Variants in CTNNA2 observed in about 807,000 individuals in gnomAD.
CTNNA2 encodes the protein catenin alpha-2.
Under a neutral mutation model 101.0 loss-of-function variants are expected in CTNNA2, and 42 were observed. The observed-to-expected ratio is 0.42, with a 90% confidence interval of 0.32 to 0.54. The LOEUF (loss-of-function observed/expected upper bound fraction) is 0.54, where lower values mean the gene tolerates loss of function less well. Among genes scored for constraint, CTNNA2 ranks in the 20% least tolerant of loss-of-function variants. CTNNA2 has a pLI of 0.14. For synonymous variants in CTNNA2, 450 were observed against 456.4 expected, an observed-to-expected ratio of 0.99 and a Z score of 0.18; for missense variants, 871 against 1,223.1, an observed-to-expected ratio of 0.71 and a Z score of 4.29.
chr2:80,352,995 T>G (rs550867047), intron 7 of CTNNA2, among the ~76,000 whole-genome samples: 1 of 152,122 alleles, frequency 6.6e-6, no homozygotes, highest in East Asian at 1.9e-4. Flanking sequence ...GGACAGTACA[T>G]GTATCAGTGC....
chr2:80,158,389 G>T (rs1704109409), intron 7 of CTNNA2, among the ~76,000 whole-genome samples: 1 of 152,150 alleles, frequency 6.6e-6, no homozygotes, highest in Non-Finnish European at 1.5e-5. Context: ...AGACCTGTAT[G>T]CTCTTTCCCT....
chr2:79,341,088 C>T (rs1264837019), intron 3 of CTNNA2, among the ~76,000 whole-genome samples: 2 of 151,732 alleles, frequency 1.3e-5, no homozygotes, highest in African/African-American at 2.4e-5. Context: ...ATTATTAATT[C>T]CATCGTATAG....
At chr2:79,828,814 A>G (rs1678644928) in intron 3 of CTNNA2, among the ~76,000 whole-genome samples, 1 of 152,228 alleles carries the variant, frequency 6.6e-6, no homozygotes, top group African/African-American at 2.4e-5. Context: ...GCCCCATTCC[A>G]GACCCATTGA....
At chr2:79,289,334 G>T (rs780451902) in intron 2 of CTNNA2, among the ~76,000 whole-genome samples, 1 of 152,074 alleles carries the variant, frequency 6.6e-6, no homozygotes, top group Non-Finnish European at 1.5e-5. Flanking sequence ...AATTTTCATA[G>T]GTAAATATAG....
intron 18 of CTNNA2, among the ~76,000 whole-genome samples, chr2:80,624,311 A>G (rs1044320594): frequency 3.3e-4 from 50 of 152,152 alleles, no homozygotes; most frequent in African/African-American, 1.1e-3. Context: ...CATGCAGTAT[A>G]TGACCTATAT....
chr2:80,279,232 T>G, intron 7 of CTNNA2, among the ~76,000 whole-genome samples: 1 of 152,124 alleles, frequency 6.6e-6, no homozygotes, highest in Admixed American at 6.6e-5. Context: ...GAGGAGGTCC[T>G]GCAGCTCTGG....
chr2:79,277,537 C>A (rs1368954), intron 2 of CTNNA2, among the ~76,000 whole-genome samples: 86,856 of 151,880 alleles, frequency 0.57, 25,117 homozygotes, highest in African/African-American at 0.59. Context: ...AGGAGACTGA[C>A]GGTTCCTACC....
At chr2:80,568,196 C>T (rs908785206) in intron 12 of CTNNA2, among the ~76,000 whole-genome samples, 13 of 152,270 alleles carry the variant, frequency 8.5e-5, no homozygotes, top group African/African-American at 3.1e-4. Context: ...CCAGAATGCC[C>T]ACTAATCACT....
At chr2:79,603,732 T>C (rs997281767) in intron 1 of CTNNA2, among the ~76,000 whole-genome samples, 8 of 152,206 alleles carry the variant, frequency 5.3e-5, no homozygotes, top group African/African-American at 1.9e-4. Flanking sequence ...TTGGTGGCAA[T>C]ACAAATTGTA....
chr2:80,064,497 A>G (rs959826196), intron 7 of CTNNA2, among the ~76,000 whole-genome samples: 6 of 152,204 alleles, frequency 3.9e-5, no homozygotes, highest in African/African-American at 1.2e-4. Flanking sequence ...TTGGAACTGC[A>G]TTCAGCTGAA....
intron 7 of CTNNA2, among the ~76,000 whole-genome samples, chr2:80,223,336 G>A (rs1227651021): frequency 2.0e-5 from 3 of 152,194 alleles, no homozygotes; most frequent in African/African-American, 4.8e-5. Flanking sequence ...TGCTGGTGGC[G>A]CAATCTCGGC....
intron 7 of CTNNA2, among the ~76,000 whole-genome samples, chr2:80,318,385 G>A (rs1270178636): frequency 6.6e-6 from 1 of 152,130 alleles, no homozygotes; most frequent in Non-Finnish European, 1.5e-5. Flanking sequence ...TTTCTCAAGA[G>A]CAAAGTCCAG....
chr2:79,912,437 A>G (rs748101086), intron 7 of CTNNA2, among the ~76,000 whole-genome samples: 4 of 152,242 alleles, frequency 2.6e-5, no homozygotes, highest in Admixed American at 2.6e-4. Flanking sequence ...TATTTCCACA[A>G]ATGTGTATTC....
At chr2:79,314,427 A>C (rs186092014) in intron 3 of CTNNA2, among the ~76,000 whole-genome samples, 30 of 152,340 alleles carry the variant, frequency 2.0e-4, no homozygotes, top group African/African-American at 6.5e-4. Context: ...TCTCAGGAAG[A>C]ATATGCGTGG....
intron 2 of CTNNA2, among the ~76,000 whole-genome samples, chr2:79,684,264 C>G (rs1683780657): frequency 6.6e-6 from 1 of 152,210 alleles, no homozygotes; most frequent in Admixed American, 6.5e-5. Flanking sequence ...ATATTCCATG[C>G]AATACTTTAT....
At position 80,393,305 on chromosome 2, in the gene CTNNA2, T is replaced by C; in HGVS notation, c.1137+14T>C. 1.3e-6 allele frequency: 2 copies of C among 1,578,132 alleles called. No homozygotes were observed. The highest frequency in any genetic ancestry group is 1.7e-6 in the Non-Finnish European group (2 of 1,154,134). On this transcript the variant is annotated intron_variant, in intron 8 of 18. Coordinates refer to ENST00000402739, the MANE Select transcript of CTNNA2 (RefSeq NM_001282597.3). ...CTAAGGAGACAGGTACTATTTTTTA[T>C]TTTTACTTTAAGTCCATGATATTCA...
At chr2:79,542,593 C>G (rs1051612387) in intron 1 of CTNNA2, among the ~76,000 whole-genome samples, 4 of 152,092 alleles carry the variant, frequency 2.6e-5, no homozygotes, top group African/African-American at 7.2e-5. Context: ...CCCTAATTTA[C>G]TTATCTGTAA....
chr2:79,899,317 G>A (rs1315324253), intron 6 of CTNNA2, among the ~76,000 whole-genome samples: 8 of 151,920 alleles, frequency 5.3e-5, no homozygotes, highest in Non-Finnish European at 1.0e-4. Context: ...CCTGCTTTAC[G>A]TACTTAATTG....
At chr2:80,385,699 CT>C (rs1205257811) in intron 7 of CTNNA2, among the ~76,000 whole-genome samples, 1 of 152,014 alleles carries the variant, frequency 6.6e-6, no homozygotes, top group Non-Finnish European at 1.5e-5. Context: ...CTCTCATCAT[CT>C]CTCCCTCCTG....
Sources: gnomAD v4.1 joint callset for allele counts (sites outside exome capture counted in the v4.1 genomes callset) on GRCh38, gnomAD v4.1.1 for gene constraint, MANE v1.5 for transcripts, NCBI Gene and HGNC (gene_info 2026-07-23, HGNC 2026-07-21) for gene names.